The following SCN8A variants were observed in gnomAD, a reference collection of about 807,000 sequenced individuals.
SCN8A encodes sodium voltage-gated channel alpha subunit 8.
SCN8A carries 30 observed loss-of-function variants against 184.1 expected under a neutral mutation model. The ratio of observed to expected loss-of-function variants is 0.16; its 90% CI spans 0.12 to 0.22. The LOEUF (loss-of-function observed/expected upper bound fraction) is 0.22. SCN8A is among the 10% of genes least tolerant of loss of function. The pLI is 1.00. For missense variants in SCN8A, 1,057 were observed against 2,498.9 expected (o/e 0.42, Z 12.30); for synonymous variants, 852 against 907.0 (o/e 0.94, Z 1.09).
At position 51,746,403 on chromosome 12, in the gene SCN8A, A is replaced by C. The variant is rs529529871; in HGVS notation, c.2131+368A>C. ...AACTGCAAAGATACAAAATCATAGA[A>C]TTTCCCTCATGGTCTCTACCCCAAA... is the stretch of plus-strand genomic sequence containing the variant. On this transcript the variant is annotated intron_variant, in intron 13 of 26. Transcript: ENST00000627620. 2.7e-4 allele frequency among the ~76,000 whole-genome samples: 41 copies of C among 152,194 alleles called. 1 individual carries two copies. The South Asian group carries it at 6.6e-3, about 25-fold the overall frequency.
chr12:51,795,222 C>G (rs1268280903), intron 26 of SCN8A, among the ~76,000 whole-genome samples: 2 of 152,132 alleles, frequency 1.3e-5, no homozygotes, highest in African/African-American at 2.4e-5. Flanking sequence ...CAGCCACTCG[C>G]TAGGAGGTGG....
intron 14 of SCN8A, among the ~76,000 whole-genome samples, chr12:51,756,868 CAT>C (rs1201309563): frequency 3.9e-5 from 6 of 152,228 alleles, no homozygotes; most frequent in African/African-American, 1.4e-4. Flanking sequence ...TTTAATCTGA[CAT>C]ATAAGTTTAA....
Position 51,807,906 on chromosome 12 carries a change from T to G in SCN8A, c.*477T>G, listed in dbSNP as rs1938762249. On this transcript the variant is annotated 3_prime_UTR_variant, in exon 27 of 27. Coordinates refer to ENST00000627620, the MANE Select transcript of SCN8A (RefSeq NM_001330260.2). The surrounding 1 kb of genome is among the most constrained non-coding windows in gnomAD (Gnocchi z 4.5). ...AGAAAACACACACACACACTCACAT[T>G]TAGCCCATGTCATTTAATTGTCAGT... The G allele has an allele frequency of 1.7e-5, 3 of 177,922 alleles. No individual in the cohort carries two copies. The highest frequency in any genetic ancestry group is 2.3e-4 in the South Asian group (2 of 8,584). 11.0% of individuals were successfully genotyped at this position (177,922 alleles called of 1,614,324 possible). A position where few individuals can be genotyped will look rare whatever the true frequency, so the allele number is the denominator to read the frequency against.
At chr12:51,749,601 C>T (rs1942565846) in intron 13 of SCN8A, among the ~76,000 whole-genome samples, 1 of 152,118 alleles carries the variant, frequency 6.6e-6, no homozygotes. Flanking sequence ...GCAGATTTTC[C>T]TCACAGACTT....
chr12:51,752,974 T>A (rs1166461593), intron 14 of SCN8A, among the ~76,000 whole-genome samples: 2 of 152,200 alleles, frequency 1.3e-5, no homozygotes, highest in East Asian at 1.9e-4. Context: ...AGAACCAGTC[T>A]TTGATTTTCA....
At chr12:51,724,587 G>A (rs950424201) in intron 12 of SCN8A, among the ~76,000 whole-genome samples, 1 of 152,078 alleles carries the variant, frequency 6.6e-6, no homozygotes, top group Non-Finnish European at 1.5e-5. Context: ...TAAATTTTGG[G>A]CTCCACAGTT....
At chr12:51,599,372 G>T (rs1167575989) in intron 1 of SCN8A, among the ~76,000 whole-genome samples, 1 of 152,112 alleles carries the variant, frequency 6.6e-6, no homozygotes, top group East Asian at 1.9e-4. Flanking sequence ...ATTTCAAGTT[G>T]GTATGATTAG....
At chr12:51,748,842 G>C (rs1432944598) in intron 13 of SCN8A, among the ~76,000 whole-genome samples, 1 of 152,148 alleles carries the variant, frequency 6.6e-6, no homozygotes, top group African/African-American at 2.4e-5. Flanking sequence ...GCACATTGCA[G>C]ATGCTTAAAA....
At chr12:51,759,014 ACG>A (rs1942724556) in intron 14 of SCN8A, among the ~76,000 whole-genome samples, 1 of 151,640 alleles carries the variant, frequency 6.6e-6, no homozygotes, top group African/African-American at 2.4e-5. Context: ...ATATATATAT[ACG>A]TGTGTGTATA....
chr12:51,795,880 GA>G (rs59764704), intron 26 of SCN8A, among the ~76,000 whole-genome samples: 16,969 of 123,998 alleles, frequency 0.14, 1,710 homozygotes, highest in African/African-American at 0.31. Flanking sequence ...CTCTATCTCT[GA>G]AAAAAAAAAA....
At chr12:51,737,239 T>TA (rs1411430214) in intron 12 of SCN8A, among the ~76,000 whole-genome samples, 5 of 152,202 alleles carry the variant, frequency 3.3e-5, no homozygotes, top group Admixed American at 6.5e-5. Flanking sequence ...AATAAGGAGT[T>TA]AGAGTCCGTG....
At chr12:51,761,978 T>C (rs1442842885) in intron 14 of SCN8A, among the ~76,000 whole-genome samples, 1 of 152,152 alleles carries the variant, frequency 6.6e-6, no homozygotes, top group Non-Finnish European at 1.5e-5. Flanking sequence ...GATAGTTGTA[T>C]GCAAGGTGGT....
At chr12:51,636,151 C>T (rs569321127) in intron 1 of SCN8A, among the ~76,000 whole-genome samples, 15 of 152,140 alleles carry the variant, frequency 9.9e-5, no homozygotes, top group Admixed American at 3.9e-4. Flanking sequence ...CCCGCCACCA[C>T]GCCTGGCTAA....
In SCN8A at chr12:51,630,068, C is replaced by G. The variant is rs143534207; in HGVS notation, c.-54-32696C>G. On this transcript the variant is annotated intron_variant, in intron 1 of 26. Transcript: ENST00000627620. ...TTGACCTGGCCAAGTTTCTTAACTT[C>G]ACTGTGCCATGATTTTTTCATTTTG... Among the ~76,000 whole-genome samples the G allele has an allele frequency of 1.2e-4, 19 of 152,260 alleles. No individual in the cohort carries two copies. In the East Asian group the frequency reaches 3.1e-3, roughly 25 times the overall value.
chr12:51,766,130 A>G (rs968156509), intron 16 of SCN8A, 103 bp downstream of exon 16: 3 of 906,144 alleles, frequency 3.3e-6, no homozygotes, highest in Non-Finnish European at 5.5e-6. Flanking sequence ...ACTACCCGTC[A>G]TGTTTGTTGA....
chr12:51,712,301 G>T (rs1941891604), intron 11 of SCN8A, among the ~76,000 whole-genome samples: 2 of 152,194 alleles, frequency 1.3e-5, no homozygotes, highest in Admixed American at 1.3e-4. Flanking sequence ...TCCTGTTTAA[G>T]CTGCAGTAAC....
At chr12:51,607,515 A>G (rs1393526746) in intron 1 of SCN8A, among the ~76,000 whole-genome samples, 1 of 152,168 alleles carries the variant, frequency 6.6e-6, no homozygotes, top group Non-Finnish European at 1.5e-5. Context: ...TCCAGTTCTC[A>G]GAGGGAATGC....
chr12:51,613,618 T>G (rs955462781), intron 1 of SCN8A, among the ~76,000 whole-genome samples: 3 of 152,102 alleles, frequency 2.0e-5, no homozygotes, highest in Non-Finnish European at 2.9e-5. Flanking sequence ...CTTTATTTTC[T>G]TTCTTCTGCT....
At chr12:51,738,155 T>C (rs1050793757) in intron 12 of SCN8A, among the ~76,000 whole-genome samples, 4 of 152,342 alleles carry the variant, frequency 2.6e-5, no homozygotes, top group South Asian at 2.1e-4. Context: ...TGCAAATTTT[T>C]TTCTAGTCCC....
Sources: allele counts gnomAD v4.1 joint callset (sites outside exome capture counted in the v4.1 genomes callset), GRCh38; gene constraint gnomAD v4.1.1; non-coding constraint Gnocchi (gnomAD v3.1); transcripts MANE v1.5; gene names NCBI Gene and HGNC (gene_info 2026-07-23, HGNC 2026-07-21).